The following GTF2F2 variants were observed in gnomAD, a reference collection of about 807,000 sequenced individuals.
GTF2F2 encodes ATP-dependent helicase GTF2F2.
GTF2F2 carries 23 observed loss-of-function variants against 42.2 expected under a neutral mutation model. The observed-to-expected ratio is 0.55, with a 90% CI of 0.39 to 0.77. The LOEUF (loss-of-function observed/expected upper bound fraction) is 0.77, where lower values mean the gene tolerates loss of function less well. Among genes scored for constraint, GTF2F2 ranks in the 30% least tolerant of loss-of-function variants. GTF2F2 has a pLI of 0.00. For synonymous variants in GTF2F2, 105 were observed against 100.8 expected, an observed-to-expected ratio of 1.04 and a Z score of -0.25; for missense variants, 261 against 287.2, an observed-to-expected ratio of 0.91 and a Z score of 0.66.
In GTF2F2 at chr13:45,207,489, T is replaced by C; in HGVS notation, c.370T>C (p.Tyr124His). ...AECRPAASEN[Y>H]MRLKRLQIEE... is the part of the protein sequence containing the mutation. ...ATGCCGACCAGCTGCCAGTGAAAAC[T>C]ACATGCGATTAAAAAGGTTGGTGTT... The change falls in exon 5 of 8, where the codon TAC (tyrosine) becomes CAC (histidine). Residue 124 changes from tyrosine to histidine, a missense_variant. Physicochemically the swap from Tyr to His is moderately conservative, Grantham distance 83. Coordinates refer to ENST00000340473, the MANE Select transcript of GTF2F2 (RefSeq NM_004128.3). 1 of 1,606,238 alleles carries C rather than the reference T, an allele frequency of 6.2e-7. No individual in the cohort carries two copies. Among genetic ancestry groups the C allele is most frequent in the Non-Finnish European group, 8.5e-7 (1 of 1,172,876 alleles).
At chr13:45,161,173 A>T (rs1871017278) in intron 4 of GTF2F2, among the ~76,000 whole-genome samples, 1 of 152,236 alleles carries the variant, frequency 6.6e-6, no homozygotes. Flanking sequence ...AAACAGTGAT[A>T]CAGTTTTGGT....
chr13:45,228,040 T>C (rs1189243267), intron 5 of GTF2F2, among the ~76,000 whole-genome samples: 2 of 148,244 alleles, frequency 1.3e-5, no homozygotes, highest in African/African-American at 5.0e-5. Context: ...CCACCCCTCC[T>C]GTAGGTTGTA....
At chr13:45,153,207 A>T (rs1232185304) in intron 4 of GTF2F2, among the ~76,000 whole-genome samples, 27 of 148,762 alleles carry the variant, frequency 1.8e-4, no homozygotes, top group African/African-American at 6.7e-4. Context: ...TTTAGTAGAG[A>T]CGGGGTTTCA....
intron 4 of GTF2F2, among the ~76,000 whole-genome samples, chr13:45,162,501 A>G (rs959539869): frequency 6.6e-6 from 1 of 152,206 alleles, no homozygotes; most frequent in African/African-American, 2.4e-5. Context: ...CAAGGTTGTG[A>G]CTGACTGCAG....
chr13:45,124,897 C>G (rs1478675117), intron 1 of GTF2F2, among the ~76,000 whole-genome samples: 1 of 151,982 alleles, frequency 6.6e-6, no homozygotes, highest in African/African-American at 2.4e-5. Flanking sequence ...CCAAGGTGGT[C>G]TTGAACTCCT....
At chr13:45,281,638 A>G (rs910032538) in intron 7 of GTF2F2, among the ~76,000 whole-genome samples, 1 of 152,242 alleles carries the variant, frequency 6.6e-6, no homozygotes, top group African/African-American at 2.4e-5. Context: ...AGTAGGCCCA[A>G]GCTGTGTCTC....
intron 7 of GTF2F2, among the ~76,000 whole-genome samples, chr13:45,276,395 C>T (rs1250263296): frequency 6.0e-5 from 9 of 151,050 alleles, no homozygotes; most frequent in East Asian, 5.8e-4. Flanking sequence ...TGGAATTGTT[C>T]GGTCACATGG....
chr13:45,148,290 A>T (rs1322970731), intron 2 of GTF2F2, among the ~76,000 whole-genome samples: 4 of 152,204 alleles, frequency 2.6e-5, no homozygotes, highest in East Asian at 1.9e-4. Context: ...TTTTGGTCAA[A>T]CAATATCTAC....
chr13:45,153,366 C>G (rs898320557), intron 4 of GTF2F2, among the ~76,000 whole-genome samples: 2 of 151,948 alleles, frequency 1.3e-5, no homozygotes, highest in African/African-American at 4.8e-5. Flanking sequence ...ATAAAATGAT[C>G]TAAAAAATTA....
chr13:45,242,187 C>T (rs886585278), intron 5 of GTF2F2, among the ~76,000 whole-genome samples: 3 of 151,480 alleles, frequency 2.0e-5, no homozygotes, highest in African/African-American at 7.3e-5. Flanking sequence ...AACCCTCACC[C>T]TATTACTTCA....
chr13:45,259,578 A>G (rs1035603297), intron 6 of GTF2F2, among the ~76,000 whole-genome samples: 6 of 150,844 alleles, frequency 4.0e-5, no homozygotes, highest in African/African-American at 1.2e-4. Context: ...TAGTTCTGCC[A>G]TCTCCTGTTG....
chr13:45,273,655 A>AATTTTTTTTTTTTTT (rs1555273613), intron 7 of GTF2F2, among the ~76,000 whole-genome samples: 11 of 123,864 alleles, frequency 8.9e-5, no homozygotes, highest in African/African-American at 3.5e-4. Context: ...GAGTGGTAAA[A>AATTTTTTTTTTTTTT]TTTTTTTTTT....
chr13:45,238,129 A>C (rs1334429012), intron 5 of GTF2F2, among the ~76,000 whole-genome samples: 1 of 152,240 alleles, frequency 6.6e-6, no homozygotes, highest in African/African-American at 2.4e-5. Flanking sequence ...GATTTTTTGC[A>C]TATTTAATAG....
At chr13:45,216,603 G>C (rs778990065) in intron 5 of GTF2F2, among the ~76,000 whole-genome samples, 5 of 152,012 alleles carry the variant, frequency 3.3e-5, no homozygotes, top group African/African-American at 4.8e-5. Flanking sequence ...CGCAACCTCT[G>C]TGCCCCTGGG....
At chr13:45,193,872 T>C (rs1872756476) in intron 4 of GTF2F2, 11 of 1,614,160 alleles carry the variant, frequency 6.8e-6, no homozygotes, top group Non-Finnish European at 8.5e-6. Context: ...AGCCACACTT[T>C]AAAGCCATCA....
At chr13:45,142,525 A>G (rs1032558620) in intron 2 of GTF2F2, among the ~76,000 whole-genome samples, 1 of 152,210 alleles carries the variant, frequency 6.6e-6, no homozygotes, top group Admixed American at 6.5e-5. Flanking sequence ...ATCAGAGACA[A>G]ATAAGGAGCA....
intron 2 of GTF2F2, among the ~76,000 whole-genome samples, chr13:45,140,829 G>C (rs899403733): frequency 6.6e-6 from 1 of 152,182 alleles, no homozygotes; most frequent in African/African-American, 2.4e-5. Context: ...CTGAAGAAAG[G>C]CAGGCTAAAG....
At chr13:45,173,612 A>ATTTTTTTTTTTTTT in intron 4 of GTF2F2, among the ~76,000 whole-genome samples, 1 of 93,710 alleles carries the variant, frequency 1.1e-5, no homozygotes, top group Non-Finnish European at 2.0e-5. Flanking sequence ...TAACTTTGTC[A>ATTTTTTTTTTTTTT]TTTTTTTTTT....
intron 4 of GTF2F2, chr13:45,193,352 C>T (rs1872729562): frequency 6.5e-6 from 1 of 155,000 alleles, no homozygotes. Flanking sequence ...TTTGCCAGTT[C>T]AGTTTCTCTG....
Sources: gnomAD v4.1 joint callset for allele counts (sites outside exome capture counted in the v4.1 genomes callset) on GRCh38, gnomAD v4.1.1 for gene constraint, MANE v1.5 for transcripts, NCBI Gene and HGNC (gene_info 2026-07-23, HGNC 2026-07-21) for gene names.